NPAS3: variants seen among roughly 807,000 people sequenced by gnomAD.
NPAS3 encodes the protein neuronal PAS domain-containing protein 3.
In NPAS3, 14 loss-of-function variants were observed where a neutral mutation model predicts 73.1. The observed-to-expected ratio is 0.19, with a 90% confidence interval of 0.13 to 0.30. The LOEUF (loss-of-function observed/expected upper bound fraction) is 0.30. Ranked by LOEUF, NPAS3 falls within the 10% of genes least tolerant of loss-of-function variation. NPAS3 has a pLI of 1.00. For synonymous variants in NPAS3, 620 were observed against 541.5 expected, an observed-to-expected ratio of 1.14 and a Z score of -2.01; for missense variants, 1,096 against 1,250.0, an observed-to-expected ratio of 0.88 and a Z score of 1.86.
chr14:33,669,892 T>A (rs1020175855), intron 5 of NPAS3, among the ~76,000 whole-genome samples: 17 of 152,254 alleles, frequency 1.1e-4, no homozygotes, highest in Admixed American at 5.2e-4. Flanking sequence ...TTGTTGTTGT[T>A]TGTTTTTTTG....
At chr14:33,113,114 T>C (rs1037342808) in intron 2 of NPAS3, among the ~76,000 whole-genome samples, 2 of 152,164 alleles carry the variant, frequency 1.3e-5, no homozygotes, top group Non-Finnish European at 2.9e-5. Context: ...GCCTCCAGCT[T>C]TGTTCTTTTG....
intron 7 of NPAS3, among the ~76,000 whole-genome samples, chr14:33,773,500 C>T (rs1283480381): frequency 2.6e-5 from 4 of 152,130 alleles, no homozygotes; most frequent in African/African-American, 9.7e-5. Flanking sequence ...GATTTTGTTT[C>T]CCCAGAGCAT....
chr14:33,641,902 T>C (rs890650402), intron 5 of NPAS3, among the ~76,000 whole-genome samples: 2 of 152,164 alleles, frequency 1.3e-5, no homozygotes, highest in African/African-American at 4.8e-5. Flanking sequence ...TTGCTGACCA[T>C]ATTGTCTTGC....
intron 4 of NPAS3, among the ~76,000 whole-genome samples, chr14:33,430,012 T>G (rs1361619940): frequency 6.6e-6 from 1 of 152,142 alleles, no homozygotes; most frequent in African/African-American, 2.4e-5. Context: ...CCTTCATCAT[T>G]TAGATACAAG....
intron 4 of NPAS3, among the ~76,000 whole-genome samples, chr14:33,523,166 A>G (rs76596914): frequency 2.4e-3 from 361 of 152,232 alleles, no homozygotes; most frequent in Non-Finnish European, 4.2e-3. Flanking sequence ...ACTAAAGTAC[A>G]TTGGGATAGG....
At chr14:32,982,209 GAGA>G (rs1310308297) in intron 1 of NPAS3, among the ~76,000 whole-genome samples, 2 of 152,186 alleles carry the variant, frequency 1.3e-5, no homozygotes, top group Non-Finnish European at 2.9e-5. Flanking sequence ...GAGAGCTTGA[GAGA>G]AGAAGAGATC....
chr14:33,015,622 A>T (rs921980141), intron 1 of NPAS3, among the ~76,000 whole-genome samples: 3 of 152,326 alleles, frequency 2.0e-5, no homozygotes, highest in Middle Eastern at 3.4e-3. Flanking sequence ...AAAAATGCAG[A>T]GGACCCACTA....
chr14:33,548,742 G>A (rs1366522606), intron 4 of NPAS3, among the ~76,000 whole-genome samples: 1 of 152,166 alleles, frequency 6.6e-6, no homozygotes, highest in Admixed American at 6.5e-5. Context: ...TACCTTCCCA[G>A]CAGGCTAACA....
At chr14:33,409,548 A>G (rs2047824497) in intron 4 of NPAS3, among the ~76,000 whole-genome samples, 1 of 152,208 alleles carries the variant, frequency 6.6e-6, no homozygotes, top group Admixed American at 6.5e-5. Context: ...CTTAATAGAA[A>G]AAAATTCATA....
chr14:33,601,853 C>T (rs1198496197), intron 5 of NPAS3, among the ~76,000 whole-genome samples: 2 of 152,160 alleles, frequency 1.3e-5, no homozygotes, highest in Non-Finnish European at 2.9e-5. Context: ...ACTTCTTCCT[C>T]TAACCAAGAG....
chr14:33,067,989 C>A (rs2041338447), intron 2 of NPAS3, among the ~76,000 whole-genome samples: 1 of 152,186 alleles, frequency 6.6e-6, no homozygotes, highest in Non-Finnish European at 1.5e-5. Context: ...TTAATTCAAG[C>A]TATTATTTCA....
chr14:33,727,581 C>A (rs564156388), intron 6 of NPAS3, among the ~76,000 whole-genome samples: 3 of 150,550 alleles, frequency 2.0e-5, no homozygotes, highest in Admixed American at 2.0e-4. Flanking sequence ...AGTCCTGATG[C>A]CCTTTGTCTG....
chr14:33,494,455 T>G (rs2139846394), intron 4 of NPAS3, among the ~76,000 whole-genome samples: 1 of 152,152 alleles, frequency 6.6e-6, no homozygotes, highest in South Asian at 2.1e-4. Context: ...GACTGTGAGG[T>G]TTCTGTCTTA....
chr14:33,444,540 C>G (rs932672450), intron 4 of NPAS3, among the ~76,000 whole-genome samples: 8 of 152,306 alleles, frequency 5.3e-5, no homozygotes, highest in Middle Eastern at 6.8e-3. Flanking sequence ...ATAAAGACAT[C>G]TTGGTCTAAA....
At chr14:32,940,426 A>G (rs2035941921) in intron 1 of NPAS3, among the ~76,000 whole-genome samples, 1 of 152,170 alleles carries the variant, frequency 6.6e-6, no homozygotes, top group South Asian at 2.1e-4. Flanking sequence ...TTGGAATCCT[A>G]TTTACTATTA....
At chr14:33,092,653 A>G (rs550816012) in intron 2 of NPAS3, among the ~76,000 whole-genome samples, 254 of 152,326 alleles carry the variant, frequency 1.7e-3, no homozygotes, top group Admixed American at 4.4e-3. Context: ...AAGAGCCCGC[A>G]TTGCCAAGTC....
intron 5 of NPAS3, among the ~76,000 whole-genome samples, chr14:33,579,753 A>G (rs2056589859): frequency 6.6e-6 from 1 of 152,116 alleles, no homozygotes; most frequent in South Asian, 2.1e-4. Flanking sequence ...TCAAAAATAA[A>G]CTGTGTAATG....
chr14:33,135,864 C>T (rs2043812417), intron 2 of NPAS3, among the ~76,000 whole-genome samples: 2 of 152,080 alleles, frequency 1.3e-5, no homozygotes, highest in African/African-American at 4.8e-5. Flanking sequence ...AGTCCATCTC[C>T]TTAGATTCTG....
intron 9 of NPAS3, among the ~76,000 whole-genome samples, chr14:33,791,241 C>T (rs1237869161): frequency 1.3e-5 from 2 of 152,198 alleles, no homozygotes; most frequent in South Asian, 2.1e-4. Flanking sequence ...AGGGCTATCA[C>T]GTGGCTCCCC....
Sources: allele counts gnomAD v4.1 joint callset (sites outside exome capture counted in the v4.1 genomes callset), GRCh38; gene constraint gnomAD v4.1.1; transcripts MANE v1.5; gene names NCBI Gene and HGNC (gene_info 2026-07-23, HGNC 2026-07-21).